The following PTPA variants were observed in gnomAD, a reference collection of about 807,000 sequenced individuals.
PTPA encodes the protein serine/threonine-protein phosphatase 2A activator.
PTPA carries 13 observed loss-of-function variants against 43.6 expected under a neutral mutation model. That is an observed-to-expected ratio of 0.30 (90% confidence interval 0.19 to 0.47). The LOEUF is 0.47. PTPA is among the 20% of genes least tolerant of loss of function. The probability of loss-of-function intolerance (pLI) is 0.99; values close to 1 mark genes in which losing one functional copy is unlikely to be tolerated. For missense variants in PTPA, 329 were observed against 411.9 expected (o/e 0.80, Z 1.74); for synonymous variants, 172 against 158.2 (o/e 1.09, Z -0.66).
chr9:129,125,631 A>G (rs1849528411), intron 3 of PTPA, among the ~76,000 whole-genome samples: 2 of 152,150 alleles, frequency 1.3e-5, no homozygotes, highest in African/African-American at 2.4e-5. Context: ...GGCTAGTTTC[A>G]TAACTTGTGA....
intron 5 of PTPA, among the ~76,000 whole-genome samples, chr9:129,133,774 A>G (rs1448495132): frequency 6.6e-6 from 1 of 152,208 alleles, no homozygotes; most frequent in Non-Finnish European, 1.5e-5. Context: ...TGTGACCTGT[A>G]GCCTCCTGTC....
At chr9:129,132,086 T>A (rs1850015703) in intron 5 of PTPA, among the ~76,000 whole-genome samples, 1 of 152,154 alleles carries the variant, frequency 6.6e-6, no homozygotes, top group Non-Finnish European at 1.5e-5. Context: ...AGCCACATTC[T>A]CTGTGCTATT....
intron 9 of PTPA, among the ~76,000 whole-genome samples, chr9:129,146,198 C>T (rs894799227): frequency 6.6e-6 from 1 of 152,146 alleles, no homozygotes; most frequent in Non-Finnish European, 1.5e-5. Flanking sequence ...GCTGCTCCCC[C>T]TCCCGCCCAG....
At chr9:129,127,396 T>C (rs1166665345) in intron 3 of PTPA, among the ~76,000 whole-genome samples, 3 of 152,242 alleles carry the variant, frequency 2.0e-5, no homozygotes, top group Non-Finnish European at 4.4e-5. Context: ...CATGTGGGCA[T>C]CACCCTGCTA....
upstream of PTPA, chr9:129,111,250 T>G: frequency 2.6e-6 from 3 of 1,157,618 alleles, no homozygotes; most frequent in Non-Finnish European, 3.2e-6. Flanking sequence ...CGCACAATCG[T>G]GGCAGTCGCG....
At chr9:129,139,391 G>C (rs1464173877) in intron 8 of PTPA, 2 of 152,318 alleles carry the variant, frequency 1.3e-5, no homozygotes, top group Non-Finnish European at 2.9e-5. Context: ...AGAAGGAACA[G>C]GGAGGGGAGG....
At chr9:129,134,296 C>CCTT (rs1850200279) in intron 5 of PTPA, among the ~76,000 whole-genome samples, 1 of 56,886 alleles carries the variant, frequency 1.8e-5, no homozygotes, top group Non-Finnish European at 3.0e-5. Flanking sequence ...ACTGGTAGTT[C>CCTT]TTTTTTTTTT....
chr9:129,134,989 A>G (rs1045049923), intron 6 of PTPA, 95 bp downstream of exon 6: 17 of 1,028,300 alleles, frequency 1.7e-5, no homozygotes, highest in East Asian at 4.8e-5. Flanking sequence ...GGTTCTCCTG[A>G]GTAGCTCATG....
rs1231624729 is a variant in PTPA, at chr9:129,129,128, C to T, written c.342+18C>T. 1.2e-6 allele frequency: 2 copies of T among 1,611,646 alleles called. No individual in the cohort carries two copies. Among genetic ancestry groups the T allele is most frequent in the African/African-American group, 2.7e-5 (2 of 74,864 alleles). ...TTGATGAGGTGAGGCTGCCACAGGA[C>T]AGGCCAGGGACTGGGCTGGCAGTGA... is the stretch of plus-strand genomic sequence containing the variant. On this transcript the variant is annotated intron_variant, in intron 4 of 9. Coordinates refer to ENST00000393370, the MANE Select transcript of PTPA (RefSeq NM_178000.3).
At chr9:129,145,154 A>G (rs1338025299) in intron 9 of PTPA, among the ~76,000 whole-genome samples, 4 of 152,118 alleles carry the variant, frequency 2.6e-5, no homozygotes, top group Non-Finnish European at 5.9e-5. Context: ...AACACGGTGA[A>G]ACACTGTGTC....
intron 8 of PTPA, chr9:129,142,206 C>T: frequency 2.4e-6 from 1 of 419,636 alleles, no homozygotes. Context: ...TTATATTTTC[C>T]TAGCAGGCCT....
chr9:129,133,968 G>A (rs540692982), intron 5 of PTPA, among the ~76,000 whole-genome samples: 1 of 152,298 alleles, frequency 6.6e-6, no homozygotes, highest in East Asian at 1.9e-4. Context: ...TTTCAGATTA[G>A]ATGTTACTTC....
chr9:129,120,619 T>C lies in PTPA; in HGVS notation c.129+9T>C. 1 of 1,605,252 alleles carries C rather than the reference T, an allele frequency of 6.2e-7. No individual in the cohort carries two copies. Among genetic ancestry groups the C allele is most frequent in the South Asian group, 1.1e-5 (1 of 90,672 alleles). On this transcript the variant is annotated intron_variant, in intron 2 of 9. Coordinates refer to ENST00000393370, the MANE Select transcript of PTPA (RefSeq NM_178000.3). ...AATGGAAGCGTTCTCAGGTACCATT[T>C]GGAACTGTGGTGAGAAACTTGGGCT...
chr9:129,142,754 C>T (rs1239315898), intron 9 of PTPA: 3 of 1,536,568 alleles, frequency 2.0e-6, no homozygotes, highest in Non-Finnish European at 2.6e-6. Flanking sequence ...CACCAGCCAC[C>T]CCAGCCCCGA....
intron 8 of PTPA, among the ~76,000 whole-genome samples, chr9:129,140,424 C>T (rs1394945889): frequency 1.3e-5 from 2 of 152,206 alleles, no homozygotes; most frequent in Non-Finnish European, 2.9e-5. Flanking sequence ...TGCAGCCCCT[C>T]CAAAGAAACT....
At chr9:129,142,338 T>TTGTGTG (rs57365080) in intron 8 of PTPA, 107 bp from the exon 9 acceptor site, 21 of 794,582 alleles carry the variant, frequency 2.6e-5, no homozygotes, top group East Asian at 5.5e-5. Flanking sequence ...GCGTGTGCGT[T>TTGTGTG]TGTGTGTGTG....
At chr9:129,129,636 AT>A (rs1849822755) in intron 4 of PTPA, among the ~76,000 whole-genome samples, 1 of 151,738 alleles carries the variant, frequency 6.6e-6, no homozygotes, top group African/African-American at 2.4e-5. Context: ...CGCCCGGCTA[AT>A]TTTTTGTATT....
intron 9 of PTPA, chr9:129,143,489 A>C: frequency 1.4e-6 from 1 of 700,970 alleles, no homozygotes; most frequent in Non-Finnish European, 2.6e-6. Context: ...CATTGGACCC[A>C]GAGCTTCCTG....
chr9:129,145,929 C>T (rs1196079099), intron 9 of PTPA, among the ~76,000 whole-genome samples: 1 of 152,110 alleles, frequency 6.6e-6, no homozygotes, highest in Non-Finnish European at 1.5e-5. Flanking sequence ...GCTCCTCCTG[C>T]CCTGGAGCCT....
Sources: gnomAD v4.1 joint callset for allele counts (sites outside exome capture counted in the v4.1 genomes callset) on GRCh38, gnomAD v4.1.1 for gene constraint, MANE v1.5 for transcripts, NCBI Gene and HGNC (gene_info 2026-07-23, HGNC 2026-07-21) for gene names.